Variants in GLIS3 observed in about 807,000 individuals in gnomAD.
GLIS3 encodes the protein GLIS family zinc finger 3, also known as zinc finger protein GLIS3.
GLIS3 carries 53 observed loss-of-function variants against 78.6 expected under a neutral mutation model. The ratio of observed to expected loss-of-function variants is 0.67; its 90% CI spans 0.54 to 0.85. The LOEUF (loss-of-function observed/expected upper bound fraction) is 0.85, where lower values mean the gene tolerates loss of function less well. GLIS3 is among the 40% of genes least tolerant of loss of function. The pLI, the probability that GLIS3 is intolerant of heterozygous loss-of-function variation, is 0.00. For missense variants in GLIS3, 1,703 were observed against 1,231.1 expected (o/e 1.38, Z -5.74); for synonymous variants, 684 against 509.9 (o/e 1.34, Z -4.60).
chr9:4,116,225 C>T (rs539700067), intron 4 of GLIS3, among the ~76,000 whole-genome samples: 1 of 152,210 alleles, frequency 6.6e-6, no homozygotes, highest in Non-Finnish European at 1.5e-5. Context: ...TTAGTCAGAA[C>T]TAAAAGGTTG....
At chr9:3,991,894 A>G (rs145723752) in intron 4 of GLIS3, among the ~76,000 whole-genome samples, 2,429 of 151,806 alleles carry the variant, frequency 0.016, 23 homozygotes, top group South Asian at 0.034. Context: ...GTTTCACCGT[A>G]TTGGCCAGGA....
At chr9:4,239,388 T>C (rs926438619) in intron 2 of GLIS3, among the ~76,000 whole-genome samples, 4 of 151,542 alleles carry the variant, frequency 2.6e-5, no homozygotes, top group African/African-American at 4.8e-5. Context: ...TTCTCTGCGA[T>C]GAGGAAGATG....
intron 4 of GLIS3, among the ~76,000 whole-genome samples, chr9:4,020,113 T>C (rs984190418): frequency 6.6e-6 from 1 of 152,010 alleles, no homozygotes; most frequent in African/African-American, 2.4e-5. Context: ...GAGAAAAGCC[T>C]TGAAGGAGGT....
chr9:4,203,922 T>C (rs1819622772), intron 2 of GLIS3, among the ~76,000 whole-genome samples: 2 of 152,160 alleles, frequency 1.3e-5, no homozygotes, highest in South Asian at 4.1e-4. Flanking sequence ...CTCATGGACA[T>C]TAAGATGGCT....
At chr9:4,384,215 G>A in the GLIS3 span, among the ~76,000 whole-genome samples, 1 of 152,176 alleles carries the variant, frequency 6.6e-6, no homozygotes, top group Non-Finnish European at 1.5e-5. Flanking sequence ...AACACAGGGT[G>A]CTGGACCTTA....
intron 2 of GLIS3, chr9:4,147,151 A>G (rs1042797186): frequency 5.3e-5 from 8 of 152,190 alleles, no homozygotes; most frequent in African/African-American, 1.9e-4. Context: ...AGAAGTTCTG[A>G]AAGTTCAACG....
At chr9:4,329,546 G>C (rs1033602536) in intron 2 of GLIS3, among the ~76,000 whole-genome samples, 1 of 152,076 alleles carries the variant, frequency 6.6e-6, no homozygotes, top group Admixed American at 6.5e-5. Context: ...GAAGTCAATA[G>C]GCTAGAAAGC....
intron 4 of GLIS3, among the ~76,000 whole-genome samples, chr9:3,979,546 T>G: frequency 6.6e-6 from 1 of 152,198 alleles, no homozygotes; most frequent in East Asian, 1.9e-4. Flanking sequence ...TCTATGTGCT[T>G]CAGTTTCTTA....
At chr9:4,134,422 G>C (rs1242655247) in intron 2 of GLIS3, among the ~76,000 whole-genome samples, 1 of 152,066 alleles carries the variant, frequency 6.6e-6, no homozygotes, top group Non-Finnish European at 1.5e-5. Context: ...TTTTGCATGG[G>C]AAATGGTGGC....
intron 2 of GLIS3, among the ~76,000 whole-genome samples, chr9:4,343,772 G>C (rs927200063): frequency 1.3e-5 from 2 of 152,180 alleles, no homozygotes; most frequent in Non-Finnish European, 2.9e-5. Context: ...CAGCAACATG[G>C]ATGCAGCTGG....
chr9:4,206,199 C>G (rs551463633), intron 2 of GLIS3, among the ~76,000 whole-genome samples: 4 of 152,104 alleles, frequency 2.6e-5, no homozygotes, highest in Admixed American at 1.3e-4. Context: ...TTAATAGTGA[C>G]CAAGGGATAT....
At chr9:4,241,736 G>A (rs550120262) in intron 2 of GLIS3, among the ~76,000 whole-genome samples, 17 of 152,184 alleles carry the variant, frequency 1.1e-4, no homozygotes, top group Admixed American at 5.2e-4. Flanking sequence ...AGGCTGGAAT[G>A]CAGCAGCGTG....
chr9:4,126,727 A>G (rs1486018540), intron 2 of GLIS3, among the ~76,000 whole-genome samples: 1 of 152,260 alleles, frequency 6.6e-6, no homozygotes, highest in Non-Finnish European at 1.5e-5. Context: ...TAAAAAAATC[A>G]TAATGAGCTG....
intron 4 of GLIS3, among the ~76,000 whole-genome samples, chr9:4,100,907 A>G (rs774306840): frequency 2.6e-5 from 4 of 152,186 alleles, no homozygotes; most frequent in Admixed American, 6.5e-5. Flanking sequence ...TCGTTGTACA[A>G]TATCAGGGAA....
chr9:4,278,284 C>A (rs1827209781), intron 2 of GLIS3, among the ~76,000 whole-genome samples: 1 of 152,220 alleles, frequency 6.6e-6, no homozygotes, highest in African/African-American at 2.4e-5. Context: ...CAAGAACACC[C>A]TTTCAGCCAG....
At chr9:3,944,270 A>G (rs1246448726) in intron 4 of GLIS3, among the ~76,000 whole-genome samples, 2 of 152,214 alleles carry the variant, frequency 1.3e-5, no homozygotes, top group Non-Finnish European at 2.9e-5. Flanking sequence ...ACCATATTAA[A>G]TTTTTATGGA....
intron 2 of GLIS3, among the ~76,000 whole-genome samples, chr9:4,143,768 C>T (rs1186555695): frequency 1.3e-5 from 2 of 152,216 alleles, no homozygotes; most frequent in Non-Finnish European, 2.9e-5. Context: ...ATTCTACCCT[C>T]TGCTGCTATG....
At chr9:3,969,169 G>T (rs1818185704) in intron 4 of GLIS3, among the ~76,000 whole-genome samples, 1 of 152,162 alleles carries the variant, frequency 6.6e-6, no homozygotes, top group East Asian at 1.9e-4. Flanking sequence ...CTGGCAAACT[G>T]AACAATGAGC....
chr9:4,207,965 T>A (rs1820030789), intron 2 of GLIS3, among the ~76,000 whole-genome samples: 2 of 152,192 alleles, frequency 1.3e-5, no homozygotes, highest in South Asian at 4.1e-4. Flanking sequence ...TGGAACCACG[T>A]TGGGGGTAGC....
Sources: allele counts gnomAD v4.1 joint callset (sites outside exome capture counted in the v4.1 genomes callset), GRCh38; gene constraint gnomAD v4.1.1; transcripts MANE v1.5; gene names NCBI Gene and HGNC (gene_info 2026-07-23, HGNC 2026-07-21).